PCDH15: variants seen among roughly 807,000 people sequenced by gnomAD.
The protein encoded by PCDH15 is protocadherin related 15.
PCDH15 carries 129 observed loss-of-function variants against 178.5 expected under a neutral mutation model. The observed-to-expected ratio is 0.72, with a 90% CI of 0.63 to 0.84. PCDH15 has a LOEUF of 0.84. PCDH15 is among the 40% of genes least tolerant of loss of function. The pLI is 0.00. For missense variants in PCDH15, 2,230 were observed against 2,099.9 expected, an observed-to-expected ratio of 1.06 and a Z score of -1.21; for synonymous variants, 800 against 732.0, an observed-to-expected ratio of 1.09 and a Z score of -1.50.
chr10:55,426,818 C>T (rs1034704417), intron 2 of PCDH15, among the ~76,000 whole-genome samples: 9 of 152,130 alleles, frequency 5.9e-5, no homozygotes, highest in African/African-American at 1.9e-4. Context: ...CCCTGAAGTC[C>T]GGCCACCTCT....
intron 23 of PCDH15, among the ~76,000 whole-genome samples, chr10:53,953,078 C>A (rs1266408121): frequency 6.6e-6 from 1 of 152,220 alleles, no homozygotes; most frequent in Non-Finnish European, 1.5e-5. Flanking sequence ...GGGGCCCCTG[C>A]CTGTTCTCAG....
intron 26 of PCDH15, among the ~76,000 whole-genome samples, chr10:53,899,118 T>A (rs74134908): frequency 1.3e-3 from 183 of 136,928 alleles, no homozygotes; most frequent in Middle Eastern, 7.5e-3. Flanking sequence ...TTATAACATA[T>A]GTTTTTATTT....
intron 1 of PCDH15, among the ~76,000 whole-genome samples, chr10:55,272,837 T>C (rs1592039713): frequency 6.6e-6 from 1 of 152,046 alleles, no homozygotes; most frequent in South Asian, 2.1e-4. Context: ...CAATTCCTTC[T>C]CCCCCCAGCC....
chr10:54,912,954 GA>G (rs1356354361), intron 2 of PCDH15, among the ~76,000 whole-genome samples: 19 of 152,078 alleles, frequency 1.2e-4, no homozygotes, highest in African/African-American at 4.3e-4. Context: ...CTCTGCTCAA[GA>G]TGTGACCTGG....
chr10:54,481,173 T>C (rs576004934), intron 3 of PCDH15, among the ~76,000 whole-genome samples: 2 of 152,028 alleles, frequency 1.3e-5, no homozygotes, highest in Middle Eastern at 3.4e-3. Flanking sequence ...GTCATATAGT[T>C]CATGCTTGAG....
chr10:54,271,338 GT>G (rs950698016), intron 8 of PCDH15, among the ~76,000 whole-genome samples: 82 of 151,860 alleles, frequency 5.4e-4, no homozygotes, highest in African/African-American at 1.9e-3. Flanking sequence ...AGCCTCCTGA[GT>G]AGCTGGGACT....
At chr10:53,807,152 T>C (rs749967243) in intron 37 of PCDH15, 22 bp from the exon 38 acceptor site, 4 of 1,538,774 alleles carry the variant, frequency 2.6e-6, no homozygotes, top group Non-Finnish European at 3.5e-6. Flanking sequence ...AACAAAAATA[T>C]GTGAGTCACT....
chr10:54,421,642 T>C (rs1316880521), intron 3 of PCDH15, among the ~76,000 whole-genome samples: 1 of 138,132 alleles, frequency 7.2e-6, no homozygotes, highest in Non-Finnish European at 1.6e-5. Flanking sequence ...GGCCTACATT[T>C]ATATATGTAC....
chr10:54,628,792 T>C (rs535317304), intron 2 of PCDH15, among the ~76,000 whole-genome samples: 4 of 152,252 alleles, frequency 2.6e-5, no homozygotes, highest in African/African-American at 9.6e-5. Flanking sequence ...AGACTCACAT[T>C]CATGAGTGGA....
chr10:55,529,292 A>T (rs991627367), intron 2 of PCDH15, among the ~76,000 whole-genome samples: 11 of 151,968 alleles, frequency 7.2e-5, no homozygotes, highest in Admixed American at 3.3e-4. Context: ...TTAGACATGA[A>T]GTCTTTGCCC....
At chr10:53,891,321 G>A (rs2610912) in intron 26 of PCDH15, among the ~76,000 whole-genome samples, 101,113 of 152,044 alleles carry the variant, frequency 0.67, 34,353 homozygotes, top group East Asian at 0.88. Context: ...GATGGAGGAT[G>A]TGGCCTTTGA....
chr10:53,892,474 A>C (rs1337471325), intron 26 of PCDH15, among the ~76,000 whole-genome samples: 1 of 152,178 alleles, frequency 6.6e-6, no homozygotes, highest in Non-Finnish European at 1.5e-5. Context: ...GTTTGCTAGG[A>C]GAATGATATT....
intron 2 of PCDH15, among the ~76,000 whole-genome samples, chr10:55,152,216 G>C (rs1214719564): frequency 6.6e-6 from 1 of 152,076 alleles, no homozygotes; most frequent in Non-Finnish European, 1.5e-5. Context: ...TTCAGATGTA[G>C]TCTGAAGCTA....
chr10:54,839,913 A>G (rs1049789640), intron 3 of PCDH15, among the ~76,000 whole-genome samples: 3 of 152,084 alleles, frequency 2.0e-5, no homozygotes, highest in Non-Finnish European at 4.4e-5. Context: ...TATACCTAGC[A>G]AAGATGTCCT....
chr10:54,433,377 C>T (rs1448984723), intron 3 of PCDH15, among the ~76,000 whole-genome samples: 3 of 152,070 alleles, frequency 2.0e-5, no homozygotes, highest in Non-Finnish European at 4.4e-5. Context: ...GAGTACTATT[C>T]AGCCATAAAA....
chr10:54,944,660 T>A (rs1375743574), intron 2 of PCDH15, among the ~76,000 whole-genome samples: 1 of 151,886 alleles, frequency 6.6e-6, no homozygotes, highest in African/African-American at 2.4e-5. Flanking sequence ...ATTTAAAAAA[T>A]TATTGTTTAC....
At chr10:55,029,724 C>T (rs745424652) in intron 2 of PCDH15, among the ~76,000 whole-genome samples, 1 of 152,078 alleles carries the variant, frequency 6.6e-6, no homozygotes, top group Non-Finnish European at 1.5e-5. Flanking sequence ...CGTAGAAGTG[C>T]TGCACCAACT....
At chr10:54,692,715 A>AACTCCAAACATCCCTGATTGAC (rs2095147599) in intron 1 of PCDH15, among the ~76,000 whole-genome samples, 5 of 1,110 alleles carry the variant, frequency 4.5e-3, no homozygotes, top group Non-Finnish European at 8.3e-3. Context: ...CCCTGATTGA[A>AACTCCAAACATCCCTGATTGAC]TAACTCAAAA....
intron 27 of PCDH15, among the ~76,000 whole-genome samples, chr10:53,859,734 A>T (rs967707222): frequency 6.6e-6 from 1 of 152,180 alleles, no homozygotes; most frequent in Non-Finnish European, 1.5e-5. Context: ...ATAGATCCGA[A>T]AAACCATACA....
Sources: allele counts gnomAD v4.1 joint callset (sites outside exome capture counted in the v4.1 genomes callset), GRCh38; gene constraint gnomAD v4.1.1; transcripts MANE v1.5; gene names NCBI Gene and HGNC (gene_info 2026-07-23, HGNC 2026-07-21).